The following ZNF860 variants were observed in gnomAD, a reference collection of about 807,000 sequenced individuals.
ZNF860 encodes the protein zinc finger protein 860.
For missense variants in ZNF860, 641 were observed against 759.2 expected (o/e 0.84, Z 1.83); for synonymous variants, 206 against 248.9 (o/e 0.83, Z 1.62).
chr3:32,005,582 T>G, the ZNF860 span, among the ~76,000 whole-genome samples: 61 of 151,948 alleles, frequency 4.0e-4, no homozygotes, highest in Admixed American at 7.9e-4. Flanking sequence ...ATGTTTTGGG[T>G]TTTTTTTGTT....
rs553670597 is a variant in ZNF860, at chr3:31,984,315, C to T, written c.-421+2413C>T. Among the ~76,000 whole-genome samples the T allele has an allele frequency of 2.6e-5, 4 of 151,734 alleles. No homozygotes were observed. The East Asian group carries it at 7.7e-4, about 29-fold the overall frequency. The stretch of plus-strand genomic sequence containing the variant: ...TCGGCCTCCCAAAGTGCTGGGATTA[C>T]AGGCGTGAGCCACCGTACCGGGCCC... On this transcript the variant is annotated intron_variant, in intron 1 of 1. Coordinates refer to ENST00000360311, the MANE Select transcript of ZNF860 (RefSeq NM_001137674.3).
downstream of ZNF860, among the ~76,000 whole-genome samples, chr3:31,996,388 T>C (rs17028710): frequency 0.07 from 10,611 of 152,284 alleles, 649 homozygotes; most frequent in East Asian, 0.32. Flanking sequence ...GATATGATTG[T>C]GGGTTGTTTC....
the ZNF860 span, among the ~76,000 whole-genome samples, chr3:32,004,305 G>A: frequency 6.6e-6 from 1 of 152,132 alleles, no homozygotes; most frequent in Non-Finnish European, 1.5e-5. Flanking sequence ...GCCTCCAGCA[G>A]GGAGCAGCAT....
chr3:31,990,671 T>A lies in ZNF860; in HGVS notation c.1592T>A (p.Leu531His), dbSNP rs754133266. ...QQATLARHHR[L>H]HTGEKPYKCE... ...GCAACCCTTGCACGTCATCATAGAC[T>A]TCATACTGGAGAGAAACCTTACAAA... Residue 531 changes from leucine to histidine, a missense_variant, in exon 2 of 2, where the codon CTT becomes CAT. Transcript: ENST00000360311. The A allele has an allele frequency of 6.8e-6, 11 of 1,614,012 alleles. No individual in the cohort carries two copies. The highest frequency in any genetic ancestry group is 1.6e-4 in the Middle Eastern group (1 of 6,084).
chr3:31,994,190 G>A (rs1699064493), downstream of ZNF860, among the ~76,000 whole-genome samples: 1 of 152,212 alleles, frequency 6.6e-6, no homozygotes, highest in Non-Finnish European at 1.5e-5. Flanking sequence ...TATAGGAACA[G>A]AGTTGAGAGT....
At chr3:31,983,967 G>A (rs1255685318) in intron 1 of ZNF860, among the ~76,000 whole-genome samples, 1 of 152,180 alleles carries the variant, frequency 6.6e-6, no homozygotes, top group Non-Finnish European at 1.5e-5. Flanking sequence ...CCAAGCTGGA[G>A]CACAGGAGTG....
In ZNF860 at chr3:31,990,034, T is replaced by C; in HGVS notation, c.955T>C (p.Cys319Arg). The change falls in exon 2 of 2, where the codon TGT becomes CGT. Residue 319 changes from cysteine to arginine, a missense_variant. Cys to Arg is a radical substitution (Grantham distance 180). Coordinates refer to ENST00000360311, the MANE Select transcript of ZNF860 (RefSeq NM_001137674.3). The stretch of plus-strand genomic sequence containing the variant: ...AGAGAAACCTTACAAATGTGAAGAA[T>C]GTGACAAAGTTTTTAGTCGCAAATC... ...TGEKPYKCEE[C>R]DKVFSRKSNL... 6.2e-7 allele frequency: 1 copy of C among 1,614,148 alleles called. No homozygotes were observed. The highest frequency in any genetic ancestry group is 8.5e-7 in the Non-Finnish European group (1 of 1,179,982).
In ZNF860 at chr3:31,990,942, T is replaced by C. The variant is rs1352993864; in HGVS notation, c.1863T>C (p.Ser621=). Residue 621 remains serine, a synonymous_variant, in exon 2 of 2, where the codon TCT becomes TCC. Transcript: ENST00000360311. The stretch of plus-strand genomic sequence containing the variant: ...AGAGAATCCATACCGGACAGAAATC[T>C]TACAAATGTCATAAGCGTGGCAAGG... The part of the protein sequence containing the change: ...RHQRIHTGQK[S]YKCHKRGKVF... 3.2e-6 allele frequency: 5 copies of C among 1,575,810 alleles called. No homozygotes were observed. Among genetic ancestry groups the C allele is most frequent in the Non-Finnish European group, 3.4e-6 (4 of 1,159,478 alleles).
At chr3:32,002,021 T>C in the ZNF860 span, among the ~76,000 whole-genome samples, 3 of 152,214 alleles carry the variant, frequency 2.0e-5, no homozygotes, top group Non-Finnish European at 4.4e-5. Flanking sequence ...GATTAATAAA[T>C]GGCAGGTTAG....
At chr3:31,983,368 C>A (rs971954191) in intron 1 of ZNF860, among the ~76,000 whole-genome samples, 7 of 152,178 alleles carry the variant, frequency 4.6e-5, no homozygotes. Context: ...TATTACCTAA[C>A]CTATGCCACC....
chr3:32,000,687 G>T, the ZNF860 span, among the ~76,000 whole-genome samples: 1 of 152,158 alleles, frequency 6.6e-6, no homozygotes, highest in Non-Finnish European at 1.5e-5. Context: ...ACTGCAAGGT[G>T]ATCTGGCCAG....
chr3:32,001,532 T>C, the ZNF860 span, among the ~76,000 whole-genome samples: 1 of 152,196 alleles, frequency 6.6e-6, no homozygotes, highest in Non-Finnish European at 1.5e-5. Flanking sequence ...AACTCATTAA[T>C]TAATAGGGAA....
At position 31,990,658 on chromosome 3, in the gene ZNF860, C is replaced by T. The variant is rs772716297; in HGVS notation, c.1579C>T (p.Arg527Cys). Residue 527 changes from arginine (R) to cysteine (C), a missense_variant, in exon 2 of 2, where the codon CGT (arginine) becomes TGT (cysteine). Arg to Cys is a radical substitution (Grantham distance 180). Coordinates refer to ENST00000360311, the MANE Select transcript of ZNF860 (RefSeq NM_001137674.3). Reference protein sequence around the residue: ...KVFNQQATLARHHRLHTGEKP... With the variant: ...KVFNQQATLACHHRLHTGEKP... ...TTTTAATCAACAAGCAACCCTTGCA[C>T]GTCATCATAGACTTCATACTGGAGA... 51 of 1,613,098 alleles carry T rather than the reference C, an allele frequency of 3.2e-5. No homozygotes were observed. Among genetic ancestry groups the T allele is most frequent in the African/African-American group, 4.0e-5 (3 of 74,614 alleles).
Position 31,991,064 on chromosome 3 carries a change from A to G in ZNF860, c.*86A>G. 7.8e-7 allele frequency: 1 copy of G among 1,289,524 alleles called. No homozygotes were observed. The highest frequency in any genetic ancestry group is 2.4e-5 in the Admixed American group (1 of 41,674). 79.9% of individuals were successfully genotyped at this position (1,289,524 alleles called of 1,614,324 possible). On this transcript the variant is annotated 3_prime_UTR_variant, in exon 2 of 2. Transcript: ENST00000360311. ...GAGTATAGCAAACCATCAAGCATTAATTGACATTAGAGTCAATTCAGCATT... is the reference window on the plus strand; with the variant it reads ...GAGTATAGCAAACCATCAAGCATTAGTTGACATTAGAGTCAATTCAGCATT...
chr3:31,985,477 T>C (rs1242300741), intron 1 of ZNF860, among the ~76,000 whole-genome samples: 1 of 152,198 alleles, frequency 6.6e-6, no homozygotes, highest in Non-Finnish European at 1.5e-5. Flanking sequence ...GAATCAGTAG[T>C]TCCTAGTAGG....
chr3:31,990,265 A>G lies in ZNF860; in HGVS notation c.1186A>G (p.Lys396Glu). 2 of 1,614,088 alleles carry G rather than the reference A, an allele frequency of 1.2e-6. No homozygotes were observed. The highest frequency in any genetic ancestry group is 2.2e-5 in the East Asian group (1 of 44,880). ...CCATCAAGCAATCCATGGTATAGGG[A>G]AACTTTATAAATGTAATGATTGTCA... is the stretch of plus-strand genomic sequence containing the variant. Reference protein sequence around the residue: ...IHHQAIHGIGKLYKCNDCHKV... With the variant: ...IHHQAIHGIGELYKCNDCHKV... Residue 396 changes from lysine (K) to glutamate (E), a missense_variant, in exon 2 of 2, where the codon AAA becomes GAA. By Grantham distance (56) the Lys-to-Glu change is moderately conservative. Coordinates refer to ENST00000360311, the MANE Select transcript of ZNF860 (RefSeq NM_001137674.3).
At chr3:32,001,762 G>T in the ZNF860 span, among the ~76,000 whole-genome samples, 2 of 151,832 alleles carry the variant, frequency 1.3e-5, no homozygotes, top group Non-Finnish European at 2.9e-5. Flanking sequence ...CTAGCCAATG[G>T]CAAGTCAGTG....
rs1395094242 is a variant in ZNF860, at chr3:31,989,206, C to T, written c.127C>T (p.Pro43Ser). 2.5e-6 allele frequency: 4 copies of T among 1,613,912 alleles called. No homozygotes were observed. In the South Asian group the frequency reaches 3.3e-5, roughly 13 times the overall value. Reference sequence around the variant, plus strand: ...TTTGGAGGAGTGGAAATGCCTGGACCCTACGCAGAGGGCTTTATACAGGGC... The same window carrying T: ...TTTGGAGGAGTGGAAATGCCTGGACTCTACGCAGAGGGCTTTATACAGGGC... ...FSLEEWKCLD[P>S]TQRALYRAMM... The change falls in exon 2 of 2, where the codon CCT becomes TCT. Residue 43 changes from proline to serine, a missense_variant. Physicochemically the swap from Pro to Ser is moderately conservative, Grantham distance 74. Coordinates refer to ENST00000360311, the MANE Select transcript of ZNF860 (RefSeq NM_001137674.3).
intron 1 of ZNF860, among the ~76,000 whole-genome samples, chr3:31,984,194 C>T (rs902027017): frequency 3.9e-5 from 6 of 152,122 alleles, no homozygotes; most frequent in South Asian, 2.1e-4. Context: ...CACCTGCCAC[C>T]ATGCCCAGCT....
Sources: gnomAD v4.1 joint callset for allele counts (sites outside exome capture counted in the v4.1 genomes callset) on GRCh38, gnomAD v4.1.1 for gene constraint, MANE v1.5 for transcripts, NCBI Gene and HGNC (gene_info 2026-07-23, HGNC 2026-07-21) for gene names.